Variants in CD244 observed in about 807,000 individuals in gnomAD.
The protein encoded by CD244 is natural killer cell receptor 2B4.
CD244 carries 20 observed loss-of-function variants against 45.5 expected under a neutral mutation model. That is an observed-to-expected ratio of 0.44 (90% confidence interval 0.31 to 0.64). The LOEUF (loss-of-function observed/expected upper bound fraction) is 0.64. Among genes scored for constraint, CD244 ranks in the 30% least tolerant of loss-of-function variants. The probability of loss-of-function intolerance (pLI) is 0.08; values close to 1 mark genes in which losing one functional copy is unlikely to be tolerated. For missense variants in CD244, 407 were observed against 426.9 expected, an observed-to-expected ratio of 0.95 and a Z score of 0.41; for synonymous variants, 185 against 160.5, an observed-to-expected ratio of 1.15 and a Z score of -1.15.
chr1:160,833,781 C>T (rs886147370), intron 7 of CD244, among the ~76,000 whole-genome samples: 5 of 152,266 alleles, frequency 3.3e-5, no homozygotes, highest in African/African-American at 4.8e-5. Context: ...CTGTCTCTGA[C>T]TGTCCTTTAC....
At chr1:160,832,493 C>T in intron 8 of CD244, 26 bp downstream of exon 8, 1 of 1,447,788 alleles carries the variant, frequency 6.9e-7, no homozygotes, top group South Asian at 1.2e-5. Flanking sequence ...AGACAGTAAA[C>T]CCATTGAGGA....
chr1:160,831,441 G>A lies in CD244; in HGVS notation c.1018-14C>T. On this transcript the variant is annotated splice_polypyrimidine_tract_variant and intron_variant, in intron 8 of 8. Coordinates refer to ENST00000368034, the MANE Select transcript of CD244 (RefSeq NM_016382.4). ...ACTCTTTCCAATCTGCAAAAGAAAAGGAGAAACTTCAGACCCTTGCACTGG... is the reference window on the plus strand; with the variant it reads ...ACTCTTTCCAATCTGCAAAAGAAAAAGAGAAACTTCAGACCCTTGCACTGG... The A allele has an allele frequency of 6.2e-7, 1 of 1,602,830 alleles. No individual in the cohort carries two copies. The highest frequency in any genetic ancestry group is 8.5e-7 in the Non-Finnish European group (1 of 1,169,802).
Position 160,862,708 on chromosome 1 carries a change from C to A in CD244, c.-31G>T. 1 of 1,607,572 alleles carries A rather than the reference C, an allele frequency of 6.2e-7. No homozygotes were observed. The highest frequency in any genetic ancestry group is 1.1e-5 in the South Asian group (1 of 90,646). The stretch of plus-strand genomic sequence containing the variant: ...CAGGACAGAGGGGCCAGGCCAGCCC[C>A]TCCACCCCACCAGACTCTCTGCCGT... On this transcript the variant is annotated 5_prime_UTR_variant, in exon 1 of 9. In the 5' UTR this introduces an upstream ATG that the reference lacks. Coordinates refer to ENST00000368034, the MANE Select transcript of CD244 (RefSeq NM_016382.4).
chr1:160,862,174 C>T (rs941415656), intron 1 of CD244, among the ~76,000 whole-genome samples: 2 of 152,208 alleles, frequency 1.3e-5, no homozygotes, highest in African/African-American at 2.4e-5. Flanking sequence ...CTGGCCTCGC[C>T]CTCCCCTCCC....
chr1:160,834,051 C>T lies in CD244; in HGVS notation c.960G>A (p.Lys320=). The part of the protein sequence containing the change: ...TLYSLIQPSR[K]SGSRKRNHSP... ...ACCACCACCACGGGAAGAGGCTCAC[C>T]TTCCTGGAAGGCTGAATTAATGAAT... Residue 320 remains lysine (K), a splice_region_variant and synonymous_variant, in exon 7 of 9, where the codon AAG becomes AAA. Coordinates refer to ENST00000368034, the MANE Select transcript of CD244 (RefSeq NM_016382.4). 1 of 1,609,218 alleles carries T rather than the reference C, an allele frequency of 6.2e-7. No individual in the cohort carries two copies. Among genetic ancestry groups the T allele is most frequent in the South Asian group, 1.1e-5 (1 of 90,976 alleles).
chr1:160,832,697 G>C, intron 7 of CD244, 122 bp from the exon 8 acceptor site: 5 of 1,540,312 alleles, frequency 3.2e-6, no homozygotes, highest in Non-Finnish European at 4.4e-6. Context: ...CTCTCAGCCA[G>C]AAAATGAATA....
intron 1 of CD244, among the ~76,000 whole-genome samples, chr1:160,844,572 C>T (rs1001399753): frequency 2.6e-5 from 4 of 152,182 alleles, no homozygotes; most frequent in African/African-American, 9.7e-5. Flanking sequence ...TCTACTTGTT[C>T]TCTTGGAACC....
chr1:160,858,671 A>C (rs1278071246), intron 1 of CD244, among the ~76,000 whole-genome samples: 1 of 152,218 alleles, frequency 6.6e-6, no homozygotes, highest in Non-Finnish European at 1.5e-5. Context: ...CATGTTTTGA[A>C]CACCTACTGC....
In CD244 at chr1:160,841,429, ATCTCCC is replaced by A; in HGVS notation, c.430_435del (p.Gly144_Arg145del). The A allele has an allele frequency of 6.2e-7, 1 of 1,614,184 alleles. No homozygotes were observed. Among genetic ancestry groups the A allele is most frequent in the Non-Finnish European group, 8.5e-7 (1 of 1,180,028 alleles). On this transcript the variant is annotated inframe_deletion, in exon 3 of 9. Coordinates refer to ENST00000368034, the MANE Select transcript of CD244 (RefSeq NM_016382.4). Reference sequence around the variant, plus strand: ...ACCAAGCAAGACAGAGCCACTTGGCATCTCCCTCTGTCCAGGATCTTCCCCTGCCCC... The same window carrying A: ...ACCAAGCAAGACAGAGCCACTTGGCATCTGTCCAGGATCTTCCCCTGCCCC...
chr1:160,837,103 C>A (rs1248483529), intron 5 of CD244, among the ~76,000 whole-genome samples: 2 of 152,110 alleles, frequency 1.3e-5, no homozygotes, highest in Non-Finnish European at 2.9e-5. Context: ...AAAGTGAGAC[C>A]ACATGAAACT....
In CD244 at chr1:160,845,113, A is replaced by T. The variant is rs1354086463; in HGVS notation, c.62-3212T>A. ...CCAGCCCAAATTGCCAACTAGCAGA[A>T]TCACTAACTAAATAGGTAGTTGTTT... is the stretch of plus-strand genomic sequence containing the variant. On this transcript the variant is annotated intron_variant, in intron 1 of 8. Coordinates refer to ENST00000368034, the MANE Select transcript of CD244 (RefSeq NM_016382.4). 2.0e-5 allele frequency among the ~76,000 whole-genome samples: 3 copies of T among 152,360 alleles called. No homozygotes were observed. The East Asian group carries it at 5.8e-4, about 29-fold the overall frequency.
Position 160,831,431 on chromosome 1 carries a change from C to T in CD244, c.1018-4G>A, listed in dbSNP as rs1669111928. 1 of 1,611,446 alleles carries T rather than the reference C, an allele frequency of 6.2e-7. No homozygotes were observed. The highest frequency in any genetic ancestry group is 1.3e-5 in the African/African-American group (1 of 74,868). ...CTTTAGGTTGACTCTTTCCAATCTG[C>T]AAAAGAAAAGGAGAAACTTCAGACC... On this transcript the variant is annotated splice_region_variant and splice_polypyrimidine_tract_variant and intron_variant, in intron 8 of 8. Coordinates refer to ENST00000368034, the MANE Select transcript of CD244 (RefSeq NM_016382.4).
intron 1 of CD244, chr1:160,848,170 C>A (rs1669800724): frequency 2.0e-6 from 1 of 500,360 alleles, no homozygotes; most frequent in Non-Finnish European, 4.0e-6. Context: ...CCTGCTCTCA[C>A]AGGATTATTG....
intron 1 of CD244, among the ~76,000 whole-genome samples, chr1:160,861,653 A>G (rs1670309168): frequency 6.6e-6 from 1 of 152,062 alleles, no homozygotes; most frequent in Non-Finnish European, 1.5e-5. Context: ...CCTGGCCAAC[A>G]TGGTGAAACC....
chr1:160,842,893 G>A (rs1232533985), intron 1 of CD244, among the ~76,000 whole-genome samples: 1 of 152,172 alleles, frequency 6.6e-6, no homozygotes, highest in Non-Finnish European at 1.5e-5. Flanking sequence ...GCCATTTTTA[G>A]TAATAAAGCT....
intron 6 of CD244, among the ~76,000 whole-genome samples, chr1:160,835,817 T>G (rs1669312634): frequency 6.6e-6 from 1 of 152,264 alleles, no homozygotes; most frequent in Non-Finnish European, 1.5e-5. Flanking sequence ...AGATTCATTC[T>G]TTCCTGAAAA....
intron 1 of CD244, among the ~76,000 whole-genome samples, chr1:160,847,387 T>C (rs1297304380): frequency 6.6e-6 from 1 of 152,050 alleles, no homozygotes; most frequent in Non-Finnish European, 1.5e-5. Context: ...TCCTAACAAT[T>C]GCAGAATACA....
chr1:160,850,039 T>C (rs538123522), intron 1 of CD244, among the ~76,000 whole-genome samples: 7 of 152,130 alleles, frequency 4.6e-5, no homozygotes, highest in Admixed American at 1.3e-4. Context: ...TGTGAAACTG[T>C]CATTATTCAC....
intron 8 of CD244, among the ~76,000 whole-genome samples, chr1:160,831,697 T>C (rs1290998007): frequency 6.6e-6 from 1 of 152,164 alleles, no homozygotes; most frequent in Non-Finnish European, 1.5e-5. Context: ...TCTATGACCC[T>C]GGGTTGTCCA....
Sources: allele counts gnomAD v4.1 joint callset (sites outside exome capture counted in the v4.1 genomes callset), GRCh38; gene constraint gnomAD v4.1.1; transcripts MANE v1.5; gene names NCBI Gene and HGNC (gene_info 2026-07-23, HGNC 2026-07-21).